Variants in ZNF800 observed in about 807,000 individuals in gnomAD.
ZNF800 encodes the protein zinc finger protein 800.
In ZNF800, 13 loss-of-function variants were observed where a neutral mutation model predicts 59.5. The observed-to-expected ratio is 0.22, with a 90% CI of 0.14 to 0.35. The LOEUF is 0.35. Ranked by LOEUF, ZNF800 falls within the 10% of genes least tolerant of loss-of-function variation. ZNF800 has a pLI of 1.00. For synonymous variants in ZNF800, 266 were observed against 265.7 expected (o/e 1.00, Z -0.01); for missense variants, 621 against 783.7 (o/e 0.79, Z 2.48).
chr7:127,343,967 T>C (rs1800012151), downstream of ZNF800, among the ~76,000 whole-genome samples: 2 of 152,008 alleles, frequency 1.3e-5, no homozygotes, highest in South Asian at 4.1e-4. Flanking sequence ...TCAAACCACA[T>C]CTTTAACATG....
downstream of ZNF800, among the ~76,000 whole-genome samples, chr7:127,365,808 G>A (rs1800493177): frequency 6.6e-6 from 1 of 152,012 alleles, no homozygotes; most frequent in African/African-American, 2.4e-5. Flanking sequence ...TTTAACGGTT[G>A]GATTATTGCC....
At chr7:127,378,006 T>C (rs563498248) in intron 3 of ZNF800, among the ~76,000 whole-genome samples, 1 of 152,140 alleles carries the variant, frequency 6.6e-6, no homozygotes, top group African/African-American at 2.4e-5. Flanking sequence ...GCACTATAAA[T>C]TTATTCAAAG....
chr7:127,354,083 A>G lies in ZNF800; in HGVS notation n.225-6040T>C, dbSNP rs549367434. ...TGGCCTTGAGATAAACTGTTTGTACACACAGTACAAATTTTTACACAAGTC... is the reference window on the plus strand; with the variant it reads ...TGGCCTTGAGATAAACTGTTTGTACGCACAGTACAAATTTTTACACAAGTC... On this transcript the variant is annotated intron_variant and non_coding_transcript_variant, in intron 1 of 1. Transcript: ENST00000485577. Among the ~76,000 whole-genome samples the G allele has an allele frequency of 2.9e-4, 44 of 152,288 alleles. 1 individual carries two copies. Among genetic ancestry groups the G allele is most frequent in the African/African-American group, 1.1e-3 (44 of 41,590 alleles).
At chr7:127,359,954 G>C (rs984048294) in intron 1 of ZNF800, 3 of 151,748 alleles carry the variant, frequency 2.0e-5, no homozygotes, top group African/African-American at 7.3e-5. Context: ...AATGTAGATG[G>C]TTATTATTTA....
chr7:127,374,766 A>G lies in ZNF800; in HGVS notation c.570T>C (p.Thr190=). The change falls in exon 5 of 6, where the codon ACT becomes ACC. Residue 190 remains threonine, a synonymous_variant. Coordinates refer to ENST00000265827, the MANE Select transcript of ZNF800 (RefSeq NM_176814.5). ...TVPVTDTEVE[T]VEPPPVEIVT... is the part of the protein sequence containing the mutation. ...CAATCTCAACAGGAGGGGGCTCTAC[A>G]GTTTCCACCTCTGTATCTGTAACCG... 6.2e-7 allele frequency: 1 copy of G among 1,613,866 alleles called. No individual in the cohort carries two copies. Among genetic ancestry groups the G allele is most frequent in the South Asian group, 1.1e-5 (1 of 91,058 alleles).
At chr7:127,351,124 G>T (rs1800160156) in intron 1 of ZNF800, among the ~76,000 whole-genome samples, 1 of 152,090 alleles carries the variant, frequency 6.6e-6, no homozygotes, top group African/African-American at 2.4e-5. Context: ...CAGAAGTAGG[G>T]CCTTAATTTT....
intron 1 of ZNF800, among the ~76,000 whole-genome samples, chr7:127,364,911 A>G (rs1434834153): frequency 1.3e-5 from 2 of 152,136 alleles, no homozygotes; most frequent in Non-Finnish European, 2.9e-5. Context: ...AAAAGTTTGA[A>G]GCAAGCAAGG....
rs766103575 is a variant in ZNF800, at chr7:127,374,775, C to T, written c.561G>A (p.Glu187=). The stretch of plus-strand genomic sequence containing the variant: ...CAGGAGGGGGCTCTACAGTTTCCAC[C>T]TCTGTATCTGTAACCGGTACTGTTT... ...QSKTVPVTDT[E]VETVEPPPVE... Residue 187 remains glutamate (E), a synonymous_variant, in exon 5 of 6, where the codon GAG becomes GAA. Coordinates refer to ENST00000265827, the MANE Select transcript of ZNF800 (RefSeq NM_176814.5). 11 of 1,613,538 alleles carry T rather than the reference C, an allele frequency of 6.8e-6. No homozygotes were observed. The highest frequency in any genetic ancestry group is 1.7e-5 in the Admixed American group (1 of 59,926).
At chr7:127,353,744 T>C (rs1800215158) in intron 1 of ZNF800, among the ~76,000 whole-genome samples, 1 of 152,176 alleles carries the variant, frequency 6.6e-6, no homozygotes, top group African/African-American at 2.4e-5. Flanking sequence ...ATTTGTCTTT[T>C]GTGACACAAT....
intron 1 of ZNF800, among the ~76,000 whole-genome samples, chr7:127,355,711 C>G (rs17865875): frequency 0.031 from 4,639 of 152,052 alleles, 211 homozygotes; most frequent in African/African-American, 0.099. Flanking sequence ...TAAATAGTAA[C>G]TTGGCTAAAA....
intron 1 of ZNF800, among the ~76,000 whole-genome samples, chr7:127,348,224 A>G (rs182410813): frequency 6.6e-6 from 1 of 152,222 alleles, no homozygotes; most frequent in African/African-American, 2.4e-5. Context: ...TCATAGGAAA[A>G]CAGATCCAAT....
intron 1 of ZNF800, chr7:127,349,812 C>G (rs2117013823): frequency 6.6e-6 from 1 of 152,252 alleles, no homozygotes; most frequent in Middle Eastern, 3.4e-3. Context: ...AATGATGTAA[C>G]CAAACAATGT....
At position 127,370,412 on chromosome 7, in the gene ZNF800, G is replaced by A. The variant is rs1417903524; in HGVS notation, c.*1402C>T. On this transcript the variant is annotated 3_prime_UTR_variant, in exon 6 of 6. Coordinates refer to ENST00000265827, the MANE Select transcript of ZNF800 (RefSeq NM_176814.5). The stretch of plus-strand genomic sequence containing the variant: ...CACATATAGTACATTTTTCCAACAA[G>A]AGCATGTACATTCAATATAGAACAT... 6.6e-6 allele frequency: 1 copy of A among 152,490 alleles called. No homozygotes were observed. Among genetic ancestry groups the A allele is most frequent in the African/African-American group, 2.4e-5 (1 of 41,406 alleles). The allele number at this position is 152,490 out of a possible 1,614,324, so 9.4% of individuals were successfully genotyped here. A position where few individuals can be genotyped will look rare whatever the true frequency, so the allele number is the denominator to read the frequency against.
chr7:127,351,093 GAAGT>G (rs1800159586), intron 1 of ZNF800, among the ~76,000 whole-genome samples: 1 of 152,304 alleles, frequency 6.6e-6, no homozygotes, highest in African/African-American at 2.4e-5. Flanking sequence ...TTCCAAGTCT[GAAGT>G]GAGTGATGTC....
Position 127,373,698 on chromosome 7 carries a change from A to T in ZNF800, c.1638T>A (p.Ser546=). The T allele has an allele frequency of 1.2e-6, 2 of 1,614,204 alleles. No individual in the cohort carries two copies. ...RHITVVHKKS[S]RYLGKITASL... ...TGGCTGTTATTTTCCCAAGATAACGAGATGACTTTTTATGAACCACAGTTA... is the reference window on the plus strand; with the variant it reads ...TGGCTGTTATTTTCCCAAGATAACGTGATGACTTTTTATGAACCACAGTTA... The change falls in exon 5 of 6, where the codon TCT becomes TCA. Residue 546 remains serine (S), a synonymous_variant. Transcript: ENST00000265827.
chr7:127,374,895 A>G lies in ZNF800; in HGVS notation c.441T>C (p.Ile147=), dbSNP rs1247617132. The change falls in exon 5 of 6, where the codon ATT becomes ATC. Residue 147 remains isoleucine (I), a synonymous_variant. Transcript: ENST00000265827. ...CTTCAATAGGATTATCAGTCCTCGA[A>G]ATATATTGAAATACTGCATTTTGAT... ...ETNQNAVFQY[I]SRTDNPIEVT... 1 of 1,613,938 alleles carries G rather than the reference A, an allele frequency of 6.2e-7. No individual in the cohort carries two copies. Among genetic ancestry groups the G allele is most frequent in the East Asian group, 2.2e-5 (1 of 44,870 alleles).
intron 2 of ZNF800, among the ~76,000 whole-genome samples, chr7:127,387,618 T>C (rs140788555): frequency 1.3e-5 from 2 of 152,230 alleles, no homozygotes; most frequent in Admixed American, 6.5e-5. Context: ...CCCAGCACTT[T>C]GGGAGGCCAA....
chr7:127,351,196 A>G (rs972655201), intron 1 of ZNF800, among the ~76,000 whole-genome samples: 1 of 152,074 alleles, frequency 6.6e-6, no homozygotes, highest in African/African-American at 2.4e-5. Flanking sequence ...CTCCCCTTAC[A>G]CTATTGTTTC....
At chr7:127,360,524 ACT>A (rs1490026848) in intron 1 of ZNF800, 2 of 152,114 alleles carry the variant, frequency 1.3e-5, no homozygotes, top group East Asian at 1.9e-4. Flanking sequence ...GTTGAGGTCA[ACT>A]CAGATGTATG....
Sources: gnomAD v4.1 joint callset for allele counts (sites outside exome capture counted in the v4.1 genomes callset) on GRCh38, gnomAD v4.1.1 for gene constraint, MANE v1.5 for transcripts, NCBI Gene and HGNC (gene_info 2026-07-23, HGNC 2026-07-21) for gene names.